The following XPO7 variants were observed in gnomAD, a reference collection of about 807,000 sequenced individuals.
XPO7 encodes exportin 7.
Under a neutral mutation model 144.3 loss-of-function variants are expected in XPO7, and 21 were observed. The ratio of observed to expected loss-of-function variants is 0.15; its 90% CI spans 0.10 to 0.21. The LOEUF (loss-of-function observed/expected upper bound fraction) is 0.21. XPO7 is among the 10% of genes least tolerant of loss of function. XPO7 has a pLI of 1.00. For missense variants in XPO7, 808 were observed against 1,325.8 expected (o/e 0.61, Z 6.06); for synonymous variants, 580 against 499.6 (o/e 1.16, Z -2.15).
chr8:21,920,061 C>T (rs557338417), intron 1 of XPO7, among the ~76,000 whole-genome samples: 6 of 151,950 alleles, frequency 3.9e-5, no homozygotes, highest in East Asian at 2.0e-4. Context: ...CAGCCCACAA[C>T]GTTCGTCAGT....
intron 1 of XPO7, among the ~76,000 whole-genome samples, chr8:21,943,966 T>C (rs1051329873): frequency 2.0e-5 from 3 of 152,218 alleles, no homozygotes; most frequent in East Asian, 3.8e-4. Flanking sequence ...GGAAATGTTA[T>C]AGACAAAAAT....
At chr8:21,965,319 G>A (rs941120503) in intron 1 of XPO7, among the ~76,000 whole-genome samples, 13 of 151,988 alleles carry the variant, frequency 8.6e-5, no homozygotes, top group Non-Finnish European at 5.9e-5. Flanking sequence ...AATGGCTTTT[G>A]CATGTATTTT....
intron 1 of XPO7, among the ~76,000 whole-genome samples, chr8:21,959,311 A>G (rs946412157): frequency 1.3e-5 from 2 of 152,256 alleles, no homozygotes; most frequent in African/African-American, 4.8e-5. Context: ...GGTAGCCAGT[A>G]TAATCAATAA....
At position 21,981,956 on chromosome 8, in the gene XPO7, A is replaced by AT. The variant is rs909540377; in HGVS notation, c.1104+88dup. 5.7e-4 allele frequency: 875 copies of AT among 1,537,454 alleles called. 2 individuals are homozygous for AT. Among genetic ancestry groups the AT allele is most frequent in the East Asian group, 4.2e-3 (182 of 43,326 alleles). On this transcript the variant is annotated intron_variant, in intron 10 of 27. Transcript: ENST00000252512. Reference sequence around the variant, plus strand: ...GTTGGTTTTAACCATGTAAGAATATATTTTTTTTTCTTGGCAAAGGTAACC... The same window carrying AT: ...GTTGGTTTTAACCATGTAAGAATATATTTTTTTTTTCTTGGCAAAGGTAACC...
At chr8:21,956,163 CAT>C (rs969950709) in intron 1 of XPO7, among the ~76,000 whole-genome samples, 1 of 152,224 alleles carries the variant, frequency 6.6e-6, no homozygotes, top group Non-Finnish European at 1.5e-5. Flanking sequence ...TCTACTCACA[CAT>C]GATTCCTTCC....
chr8:21,989,918 C>T (rs1018859367), intron 16 of XPO7, among the ~76,000 whole-genome samples: 2 of 132,050 alleles, frequency 1.5e-5, no homozygotes, highest in East Asian at 2.5e-4. Flanking sequence ...TGCGCGATCT[C>T]GGCTCACTAC....
chr8:21,925,856 C>T (rs1474467449), intron 1 of XPO7, among the ~76,000 whole-genome samples: 3 of 152,180 alleles, frequency 2.0e-5, no homozygotes, highest in Admixed American at 2.0e-4. Flanking sequence ...ACCAACATTT[C>T]CATTTTATCT....
At chr8:21,981,965 T>TC (rs1812422509) in intron 10 of XPO7, 88 bp downstream of exon 10, 3 of 1,551,036 alleles carry the variant, frequency 1.9e-6, no homozygotes, top group Non-Finnish European at 2.6e-6. Flanking sequence ...TATTTTTTTT[T>TC]CTTGGCAAAG....
chr8:21,988,228 T>C (rs1292478162), intron 15 of XPO7: 1 of 202,422 alleles, frequency 4.9e-6, no homozygotes, highest in African/African-American at 2.3e-5. Context: ...CTGTTGCTGA[T>C]TTCCTCTCGT....
intron 1 of XPO7, among the ~76,000 whole-genome samples, chr8:21,922,154 T>G (rs1171107396): frequency 6.6e-6 from 1 of 152,172 alleles, no homozygotes; most frequent in African/African-American, 2.4e-5. Context: ...GTCGAGTCAT[T>G]ATGTTATCTA....
In XPO7 at chr8:21,968,102, G is replaced by A. The variant is rs78550915; in HGVS notation, c.165+1099G>A. Among the ~76,000 whole-genome samples the A allele has an allele frequency of 2.6e-5, 4 of 152,210 alleles. No homozygotes were observed. In the East Asian group the frequency reaches 7.7e-4, roughly 29 times the overall value. On this transcript the variant is annotated intron_variant, in intron 2 of 27. Transcript: ENST00000252512. ...ATGAAAGAGAAAACACCAAGAAAAG[G>A]CACATATATTAGCCATCATTCTTGT...
intron 1 of XPO7, among the ~76,000 whole-genome samples, chr8:21,927,889 G>A (rs1167041429): frequency 6.6e-6 from 1 of 152,130 alleles, no homozygotes; most frequent in Non-Finnish European, 1.5e-5. Context: ...CCCCTCAAAT[G>A]TAAACAGCAC....
rs796068584 is a variant in XPO7 at position 21,987,830 on chromosome 8, T to C, written c.1760T>C (p.Met587Thr). ...SEVLGLNDETMVLSVFIGKII... is the reference protein window; with the variant it reads ...SEVLGLNDETTVLSVFIGKII... ...GTTCTGGGCTTGAATGATGAGACCA[T>C]GGTCCTAAGCGTCTTCATAGGAAAA... The change falls in exon 15 of 28, where the codon ATG becomes ACG. Residue 587 changes from methionine to threonine, a missense_variant. By Grantham distance (81) the Met-to-Thr change is moderately conservative (BLOSUM62 -1). Coordinates refer to ENST00000252512, the MANE Select transcript of XPO7 (RefSeq NM_015024.5). 1.2e-6 allele frequency: 2 copies of C among 1,613,844 alleles called. No individual in the cohort carries two copies. The highest frequency in any genetic ancestry group is 8.5e-7 in the Non-Finnish European group (1 of 1,179,834).
Position 21,987,279 on chromosome 8 carries a change from AACAGCC to A in XPO7, c.1713+4_1713+9del. On this transcript the variant is annotated splice_donor_5th_base_variant and intron_variant, in intron 14 of 27. Transcript: ENST00000252512. ...ACCAAGTGCAGAAATCCTCTAAGGT[AACAGCC>A]TCTCAATTGGCTCCCCTTAGTTCTC... 6.2e-7 allele frequency: 1 copy of A among 1,613,968 alleles called. No homozygotes were observed.
At chr8:21,922,151 CATT>C (rs1201558833) in intron 1 of XPO7, among the ~76,000 whole-genome samples, 1 of 152,080 alleles carries the variant, frequency 6.6e-6, no homozygotes, top group Non-Finnish European at 1.5e-5. Context: ...ATAGTCGAGT[CATT>C]ATGTTATCTA....
chr8:21,999,337 T>A (rs1813060893), intron 23 of XPO7, 32 bp downstream of exon 23: 1 of 1,609,514 alleles, frequency 6.2e-7, no homozygotes, highest in Non-Finnish European at 8.5e-7. Flanking sequence ...CACAATCTTG[T>A]TCCTCATCAC....
chr8:22,002,279 A>G lies in XPO7; in HGVS notation c.2943+7A>G. On this transcript the variant is annotated splice_region_variant and intron_variant, in intron 25 of 27. Coordinates refer to ENST00000252512, the MANE Select transcript of XPO7 (RefSeq NM_015024.5). The stretch of plus-strand genomic sequence containing the variant: ...TCCAGAGATGATCCAGCAGGTAAGA[A>G]AGTGGAGGCTTAGGAGGCAGTGATG... 6.2e-7 allele frequency: 1 copy of G among 1,611,512 alleles called. No homozygotes were observed. Among genetic ancestry groups the G allele is most frequent in the Non-Finnish European group, 8.5e-7 (1 of 1,178,952 alleles).
At chr8:22,004,645 C>T (rs1439294297) in intron 27 of XPO7, among the ~76,000 whole-genome samples, 1 of 152,122 alleles carries the variant, frequency 6.6e-6, no homozygotes, top group East Asian at 1.9e-4. Context: ...ATGTGGTTAG[C>T]AGCCGCCCTA....
chr8:21,984,924 C>T lies in XPO7; in HGVS notation c.1471+85C>T. On this transcript the variant is annotated intron_variant, in intron 12 of 27. Coordinates refer to ENST00000252512, the MANE Select transcript of XPO7 (RefSeq NM_015024.5). ...TCGCTCATTGCCACCTCTTTCCTAC[C>T]TCCCTGCAAAAGGATTCTTTCATCA... 2.8e-6 allele frequency: 4 copies of T among 1,411,858 alleles called. No homozygotes were observed. The Admixed American group carries it at 6.3e-5, about 22-fold the overall frequency. 87.5% of individuals were successfully genotyped at this position (1,411,858 alleles called of 1,614,324 possible).
Sources: gnomAD v4.1 joint callset for allele counts (sites outside exome capture counted in the v4.1 genomes callset) on GRCh38, gnomAD v4.1.1 for gene constraint, MANE v1.5 for transcripts, NCBI Gene and HGNC (gene_info 2026-07-23, HGNC 2026-07-21) for gene names.